The following PCDH15 variants were observed in gnomAD, a reference collection of about 807,000 sequenced individuals.
PCDH15 encodes protocadherin-15.
PCDH15 carries 129 observed loss-of-function variants against 178.5 expected under a neutral mutation model. That is an observed-to-expected ratio of 0.72 (90% confidence interval 0.63 to 0.84). PCDH15 has a LOEUF of 0.84. Ranked by LOEUF, PCDH15 falls within the 40% of genes least tolerant of loss-of-function variation. The pLI is 0.00. For missense variants in PCDH15, 2,230 were observed against 2,099.9 expected, an observed-to-expected ratio of 1.06 and a Z score of -1.21; for synonymous variants, 800 against 732.0, an observed-to-expected ratio of 1.09 and a Z score of -1.50.
chr10:55,264,694 C>G (rs1842234606), intron 1 of PCDH15, among the ~76,000 whole-genome samples: 1 of 152,136 alleles, frequency 6.6e-6, no homozygotes, highest in Non-Finnish European at 1.5e-5. Flanking sequence ...TGTCCTGAAC[C>G]ACTGGGACTG....
At chr10:54,698,147 A>G (rs1002857663) in intron 1 of PCDH15, among the ~76,000 whole-genome samples, 1 of 152,178 alleles carries the variant, frequency 6.6e-6, no homozygotes, top group Admixed American at 6.6e-5. Context: ...ACAGAATTTA[A>G]GAAAGAAAGT....
chr10:55,045,353 A>C (rs1345613580), intron 2 of PCDH15, among the ~76,000 whole-genome samples: 1 of 151,998 alleles, frequency 6.6e-6, no homozygotes, highest in Non-Finnish European at 1.5e-5. Flanking sequence ...TTGTGGAAAA[A>C]TTTACACTTC....
At chr10:55,282,794 A>G (rs1842765554) in intron 1 of PCDH15, among the ~76,000 whole-genome samples, 1 of 152,188 alleles carries the variant, frequency 6.6e-6, no homozygotes, top group South Asian at 2.1e-4. Context: ...CAATAATTTC[A>G]TCAATAGATT....
At chr10:54,317,534 G>A in intron 7 of PCDH15, 93 bp from the exon 8 acceptor site, 1 of 1,444,682 alleles carries the variant, frequency 6.9e-7, no homozygotes, top group Non-Finnish European at 9.7e-7. Context: ...CAGAACTTTG[G>A]GAGGCCAAGG....
At chr10:53,910,873 C>T (rs1320445387) in intron 25 of PCDH15, among the ~76,000 whole-genome samples, 1 of 152,036 alleles carries the variant, frequency 6.6e-6, no homozygotes, top group East Asian at 1.9e-4. Context: ...CATGAACAAG[C>T]TTCAATAGCC....
At chr10:53,878,840 T>G (rs2080477766) in intron 26 of PCDH15, among the ~76,000 whole-genome samples, 1 of 152,102 alleles carries the variant, frequency 6.6e-6, no homozygotes, top group Non-Finnish European at 1.5e-5. Flanking sequence ...TAATTAGAAT[T>G]GAAAGATTTG....
At chr10:54,145,598 G>C (rs1389937458) in intron 14 of PCDH15, among the ~76,000 whole-genome samples, 1 of 152,078 alleles carries the variant, frequency 6.6e-6, no homozygotes, top group Non-Finnish European at 1.5e-5. Flanking sequence ...ACAGGGCAGA[G>C]TTTTAAGATA....
chr10:55,354,925 A>G (rs1845038327), intron 2 of PCDH15, among the ~76,000 whole-genome samples: 1 of 151,628 alleles, frequency 6.6e-6, no homozygotes, highest in African/African-American at 2.4e-5. Flanking sequence ...CCATCCTTAC[A>G]CTCTGGCAAC....
intron 3 of PCDH15, among the ~76,000 whole-genome samples, chr10:54,429,114 AAT>A (rs1956649734): frequency 6.6e-6 from 1 of 152,162 alleles, no homozygotes; most frequent in African/African-American, 2.4e-5. Context: ...TAATAACTAC[AAT>A]AACTTTTCAA....
chr10:53,842,142 C>T (rs2077694138), intron 28 of PCDH15, among the ~76,000 whole-genome samples: 1 of 152,076 alleles, frequency 6.6e-6, no homozygotes, highest in Non-Finnish European at 1.5e-5. Flanking sequence ...GAGGCACAAA[C>T]AATAATGATA....
At chr10:53,839,197 C>T (rs974493597) in intron 29 of PCDH15, among the ~76,000 whole-genome samples, 3 of 91,674 alleles carry the variant, frequency 3.3e-5, no homozygotes, top group Non-Finnish European at 5.7e-5. Flanking sequence ...AGTGAGTCTC[C>T]GTCTCAAAAA....
intron 1 of PCDH15, among the ~76,000 whole-genome samples, chr10:55,264,505 G>T (rs1842229667): frequency 6.6e-6 from 1 of 152,136 alleles, no homozygotes; most frequent in Non-Finnish European, 1.5e-5. Flanking sequence ...ACCTGCCAAG[G>T]TTGCCAGGCC....
intron 1 of PCDH15, among the ~76,000 whole-genome samples, chr10:54,744,273 C>A (rs1377632609): frequency 6.6e-6 from 1 of 152,174 alleles, no homozygotes; most frequent in South Asian, 2.1e-4. Context: ...CCAATTGACA[C>A]CTTGATTTTA....
At chr10:55,368,170 C>A (rs1334305264) in intron 2 of PCDH15, among the ~76,000 whole-genome samples, 1 of 152,044 alleles carries the variant, frequency 6.6e-6, no homozygotes, top group Non-Finnish European at 1.5e-5. Context: ...CTCTCTCACT[C>A]TCCATTTTAT....
At chr10:54,245,876 C>T (rs2055869007) in intron 8 of PCDH15, among the ~76,000 whole-genome samples, 1 of 151,828 alleles carries the variant, frequency 6.6e-6, no homozygotes, top group Admixed American at 6.6e-5. Context: ...ATTCATTGTA[C>T]AATATACAAT....
chr10:53,939,232 T>C (rs1377790657), intron 24 of PCDH15, among the ~76,000 whole-genome samples: 2 of 152,072 alleles, frequency 1.3e-5, no homozygotes, highest in African/African-American at 4.8e-5. Flanking sequence ...TCAATTACAT[T>C]TGGGAAACAC....
At chr10:55,032,114 GT>G (rs1840626382) in intron 2 of PCDH15, among the ~76,000 whole-genome samples, 1 of 152,150 alleles carries the variant, frequency 6.6e-6, no homozygotes, top group African/African-American at 2.4e-5. Context: ...GGAAGCCTCA[GT>G]TGTCTTAGTG....
At chr10:55,461,067 A>G (rs1234923137) in intron 2 of PCDH15, among the ~76,000 whole-genome samples, 1 of 152,104 alleles carries the variant, frequency 6.6e-6, no homozygotes, top group Non-Finnish European at 1.5e-5. Context: ...TCCAGACACT[A>G]CTATCTCTAA....
Position 54,075,700 on chromosome 10 carries a change from A to T in PCDH15, c.2091+3631T>A, listed in dbSNP as rs533950618. Among the ~76,000 whole-genome samples the T allele has an allele frequency of 2.6e-5, 4 of 152,264 alleles. No individual in the cohort carries two copies. The South Asian group carries it at 6.2e-4, about 24-fold the overall frequency. ...TGCATATGATGTTAGATAAGGTCCA[A>T]CTTCATTCGTTTGCATGTAGAATGA... On this transcript the variant is annotated intron_variant, in intron 17 of 37. Coordinates refer to ENST00000644397, the MANE Select transcript of PCDH15 (RefSeq NM_001384140.1).
Sources: gnomAD v4.1 joint callset for allele counts (sites outside exome capture counted in the v4.1 genomes callset) on GRCh38, gnomAD v4.1.1 for gene constraint, MANE v1.5 for transcripts, NCBI Gene and HGNC (gene_info 2026-07-23, HGNC 2026-07-21) for gene names.